GINS3: variants seen among roughly 807,000 people sequenced by gnomAD.
GINS3 encodes the protein DNA replication complex GINS protein PSF3.
GINS3 carries 18 observed loss-of-function variants against 20.0 expected under a neutral mutation model. The observed-to-expected ratio is 0.90, with a 90% CI of 0.62 to 1.33. The LOEUF (loss-of-function observed/expected upper bound fraction) is 1.33. GINS3 is among the 40% of genes most tolerant of loss of function. The pLI, the probability that GINS3 is intolerant of heterozygous loss-of-function variation, is 0.00. For missense variants in GINS3, 254 were observed against 273.6 expected, an observed-to-expected ratio of 0.93 and a Z score of 0.51; for synonymous variants, 109 against 107.0, an observed-to-expected ratio of 1.02 and a Z score of -0.12.
At chr16:58,397,614 G>C (rs931680916) in intron 1 of GINS3, among the ~76,000 whole-genome samples, 1 of 152,138 alleles carries the variant, frequency 6.6e-6, no homozygotes, top group Non-Finnish European at 1.5e-5. Flanking sequence ...AGACCAGCCC[G>C]GCCAACACAG....
rs1966011451 is a variant in GINS3 at position 58,405,047 on chromosome 16, G to C, written c.*318G>C. 3.7e-6 allele frequency: 1 copy of C among 271,862 alleles called. No homozygotes were observed. The highest frequency in any genetic ancestry group is 2.2e-5 in the African/African-American group (1 of 45,606). The allele number at this position is 271,862 out of a possible 1,614,324, so 16.8% of individuals were successfully genotyped here. ...TATATCACAGTAGAGTTGCAACTGA[G>C]ATTCCTTGTGTCTGGGAGTTTGGAC... On this transcript the variant is annotated 3_prime_UTR_variant, in exon 3 of 3. Coordinates refer to ENST00000318129, the MANE Select transcript of GINS3 (RefSeq NM_022770.4).
Position 58,404,744 on chromosome 16 carries a change from C to G in GINS3, c.*15C>G, listed in dbSNP as rs372512671. On this transcript the variant is annotated 3_prime_UTR_variant, in exon 3 of 3. Transcript: ENST00000318129. Reference sequence around the variant, plus strand: ...TGGAAGACTGAAAGCCGGAAGAACACAGAATGGCTCCTCACAGACGTATCC... The same window carrying G: ...TGGAAGACTGAAAGCCGGAAGAACAGAGAATGGCTCCTCACAGACGTATCC... The G allele has an allele frequency of 1.1e-5, 17 of 1,578,426 alleles. No homozygotes were observed. Among genetic ancestry groups the G allele is most frequent in the Admixed American group, 1.7e-5 (1 of 59,266 alleles).
chr16:58,399,948 C>T (rs1300914628), intron 1 of GINS3, among the ~76,000 whole-genome samples: 1 of 152,120 alleles, frequency 6.6e-6, no homozygotes, highest in South Asian at 2.1e-4. Flanking sequence ...CATTGAAAAC[C>T]CCTGTAAAAC....
Position 58,403,220 on chromosome 16 carries a change from T to C in GINS3, c.309T>C (p.Asp103=). 1 of 1,614,136 alleles carries C rather than the reference T, an allele frequency of 6.2e-7. No individual in the cohort carries two copies. Among genetic ancestry groups the C allele is most frequent in the Non-Finnish European group, 8.5e-7 (1 of 1,180,014 alleles). ...GTTGGAGGACTGTGTTCAGTGCAGA[T>C]CCCAATGTGGTGGACCTCCACAAAA... ...QEGWRTVFSA[D]PNVVDLHKMG... Residue 103 remains aspartate (D), a synonymous_variant, in exon 2 of 3, where the codon GAT becomes GAC. Coordinates refer to ENST00000318129, the MANE Select transcript of GINS3 (RefSeq NM_022770.4).
Position 58,392,771 on chromosome 16 carries a change from A to G in GINS3, c.170A>G (p.Asp57Gly). The part of the protein sequence containing the change: ...FLERSAGAET[D>G]NAVPQGSKLE... The stretch of plus-strand genomic sequence containing the variant: ...GAGCGGAGCGCAGGCGCCGAGACTG[A>G]CAACGCGGTCCCACAGGTGAGCCTT... The change falls in exon 1 of 3, where the codon GAC becomes GGC. Residue 57 changes from aspartate (D) to glycine (G), a missense_variant. By Grantham distance (94) the Asp-to-Gly change is moderately conservative. Transcript: ENST00000318129. 1 of 1,609,180 alleles carries G rather than the reference A, an allele frequency of 6.2e-7. No individual in the cohort carries two copies. The highest frequency in any genetic ancestry group is 1.1e-5 in the South Asian group (1 of 90,706).
At chr16:58,401,201 G>A (rs982560845) in intron 1 of GINS3, among the ~76,000 whole-genome samples, 4 of 152,012 alleles carry the variant, frequency 2.6e-5, no homozygotes, top group Admixed American at 6.6e-5. Flanking sequence ...TGGTGTGTCC[G>A]GAGTTTGTTC....
At position 58,404,584 on chromosome 16, in the gene GINS3, A is replaced by T; in HGVS notation, c.506A>T (p.Asp169Val). ...EDTSALVARL[D>V]EMERGLFQTG... The stretch of plus-strand genomic sequence containing the variant: ...ACTTCAGCCCTGGTAGCCAGGCTAG[A>T]CGAGATGGAGAGGGGCTTATTTCAA... The change falls in exon 3 of 3, where the codon GAC (aspartate) becomes GTC (valine). Residue 169 changes from aspartate (D) to valine (V), a missense_variant. By Grantham distance (152) the Asp-to-Val change is radical (BLOSUM62 -3). Coordinates refer to ENST00000318129, the MANE Select transcript of GINS3 (RefSeq NM_022770.4). The T allele has an allele frequency of 6.2e-7, 1 of 1,614,176 alleles. No homozygotes were observed. Among genetic ancestry groups the T allele is most frequent in the African/African-American group, 1.3e-5 (1 of 75,042 alleles).
intron 1 of GINS3, chr16:58,394,956 T>C (rs1965829608): frequency 2.7e-6 from 1 of 373,114 alleles, no homozygotes; most frequent in Non-Finnish European, 4.8e-6. Flanking sequence ...GCATGGGAGA[T>C]TTGTGTAGGA....
In GINS3 at chr16:58,404,755, C is replaced by T; in HGVS notation, c.*26C>T. On this transcript the variant is annotated 3_prime_UTR_variant, in exon 3 of 3. Coordinates refer to ENST00000318129, the MANE Select transcript of GINS3 (RefSeq NM_022770.4). ...AAGCCGGAAGAACACAGAATGGCTC[C>T]TCACAGACGTATCCCTCCGTGTGTC... The T allele has an allele frequency of 1.3e-6, 2 of 1,523,304 alleles. No individual in the cohort carries two copies. The highest frequency in any genetic ancestry group is 1.1e-5 in the South Asian group (1 of 87,674). The allele number at this position is 1,523,304 out of a possible 1,614,324, so 94.4% of individuals were successfully genotyped here.
In GINS3 at chr16:58,392,568, C is replaced by A. The variant is rs1207626583; in HGVS notation, c.-34C>A. 1.2e-6 allele frequency: 2 copies of A among 1,609,014 alleles called. No individual in the cohort carries two copies. The highest frequency in any genetic ancestry group is 4.5e-5 in the East Asian group (2 of 44,818). On this transcript the variant is annotated 5_prime_UTR_variant, in exon 1 of 3. Coordinates refer to ENST00000318129, the MANE Select transcript of GINS3 (RefSeq NM_022770.4). ...TAACTCCTGAGGCTCCTCCGAATCA[C>A]GCGAGTGGAAGCGGAGAAGCTCAAG... is the stretch of plus-strand genomic sequence containing the variant.
Position 58,403,308 on chromosome 16 carries a change from G to C in GINS3, c.397G>C (p.Asp133His). The C allele has an allele frequency of 6.2e-7, 1 of 1,614,028 alleles. No homozygotes were observed. The highest frequency in any genetic ancestry group is 8.5e-7 in the Non-Finnish European group (1 of 1,180,018). Reference sequence around the variant, plus strand: ...GCATTTTGACAGTCCCGAGAATGCAGACATTTCCCAGTCTCTGCTGCAGGC... The same window carrying C: ...GCATTTTGACAGTCCCGAGAATGCACACATTTCCCAGTCTCTGCTGCAGGC... ...LLHFDSPENA[D>H]ISQSLLQTFI... is the part of the protein sequence containing the mutation. Residue 133 changes from aspartate (D) to histidine (H), a missense_variant, in exon 2 of 3, where the codon GAC becomes CAC. Asp to His is a moderately conservative substitution (Grantham distance 81). Coordinates refer to ENST00000318129, the MANE Select transcript of GINS3 (RefSeq NM_022770.4).
At chr16:58,402,048 T>G (rs565880475) in intron 1 of GINS3, among the ~76,000 whole-genome samples, 1 of 152,328 alleles carries the variant, frequency 6.6e-6, no homozygotes, top group African/African-American at 2.4e-5. Flanking sequence ...CTTTTACACC[T>G]TATTTCATAC....
chr16:58,403,075 A>G (rs769819954), intron 1 of GINS3, 23 bp from the exon 2 acceptor site: 13 of 1,592,066 alleles, frequency 8.2e-6, no homozygotes, highest in African/African-American at 1.3e-5. Context: ...TGTTTTTAAA[A>G]TCTACATTCA....
chr16:58,400,351 T>C (rs1323970164), intron 1 of GINS3, among the ~76,000 whole-genome samples: 1 of 152,242 alleles, frequency 6.6e-6, no homozygotes, highest in Non-Finnish European at 1.5e-5. Flanking sequence ...TCTGATAAAA[T>C]GTTTGAAATA....
chr16:58,396,364 G>A (rs1295579400), intron 1 of GINS3, among the ~76,000 whole-genome samples: 11 of 122,430 alleles, frequency 9.0e-5, no homozygotes, highest in South Asian at 8.1e-4. Context: ...CTCACCTCCC[G>A]GATGGGGCGG....
intron 1 of GINS3, among the ~76,000 whole-genome samples, chr16:58,396,909 C>A (rs1320279873): frequency 2.0e-5 from 3 of 146,848 alleles, no homozygotes; most frequent in Non-Finnish European, 3.0e-5. Context: ...CCACCTCCTT[C>A]CCGGACGGGG....
chr16:58,398,423 C>T (rs1965912836), intron 1 of GINS3, among the ~76,000 whole-genome samples: 1 of 151,956 alleles, frequency 6.6e-6, no homozygotes, highest in Admixed American at 6.6e-5. Flanking sequence ...GCCTAGGCAA[C>T]ATAGTGAGTC....
intron 1 of GINS3, among the ~76,000 whole-genome samples, chr16:58,398,432 TC>T (rs1965912966): frequency 6.6e-6 from 1 of 151,544 alleles, no homozygotes; most frequent in South Asian, 2.1e-4. Flanking sequence ...ACATAGTGAG[TC>T]CCCATCTCTA....
rs1473719908 is a variant in GINS3, at chr16:58,404,754, C to T, written c.*25C>T. On this transcript the variant is annotated 3_prime_UTR_variant, in exon 3 of 3. Coordinates refer to ENST00000318129, the MANE Select transcript of GINS3 (RefSeq NM_022770.4). The stretch of plus-strand genomic sequence containing the variant: ...AAAGCCGGAAGAACACAGAATGGCT[C>T]CTCACAGACGTATCCCTCCGTGTGT... 1.3e-6 allele frequency: 2 copies of T among 1,535,166 alleles called. No homozygotes were observed. The highest frequency in any genetic ancestry group is 1.8e-6 in the Non-Finnish European group (2 of 1,112,488).
Sources: allele counts gnomAD v4.1 joint callset (sites outside exome capture counted in the v4.1 genomes callset), GRCh38; gene constraint gnomAD v4.1.1; transcripts MANE v1.5; gene names NCBI Gene and HGNC (gene_info 2026-07-23, HGNC 2026-07-21).